Variants in HMCN1 observed in about 807,000 individuals in gnomAD.
HMCN1 encodes the protein hemicentin-1.
HMCN1 carries 321 observed loss-of-function variants against 625.9 expected under a neutral mutation model. The observed-to-expected ratio is 0.51, with a 90% CI of 0.47 to 0.56. HMCN1 has a LOEUF of 0.56. HMCN1 is among the 20% of genes least tolerant of loss of function. The pLI is 0.00. For missense variants in HMCN1, 6,588 were observed against 6,887.3 expected (o/e 0.96, Z 1.54); for synonymous variants, 2,425 against 2,417.6 (o/e 1.00, Z -0.09).
At chr1:186,071,765 C>G (rs79471543) in intron 52 of HMCN1, among the ~76,000 whole-genome samples, 24 of 152,294 alleles carry the variant, frequency 1.6e-4, no homozygotes, top group African/African-American at 5.8e-4. Context: ...AGAATTCCCA[C>G]CATGCTCCGT....
chr1:185,780,332 C>T (rs1034921513), intron 1 of HMCN1, among the ~76,000 whole-genome samples: 2 of 152,142 alleles, frequency 1.3e-5, no homozygotes, highest in African/African-American at 4.8e-5. Context: ...AATTGAATGT[C>T]CTTTATGTCT....
intron 15 of HMCN1, among the ~76,000 whole-genome samples, chr1:185,974,776 A>G (rs554232312): frequency 2.6e-5 from 4 of 152,282 alleles, no homozygotes; most frequent in Admixed American, 2.0e-4. Context: ...GTTTTGTGAT[A>G]CCAGTACATA....
In HMCN1 at chr1:186,081,424, A is replaced by C. The variant is rs1659163782; in HGVS notation, c.8787+30A>C. On this transcript the variant is annotated intron_variant, in intron 56 of 106. Transcript: ENST00000271588. ...AAGTAAAGAAAGATCTAATTTTAAA[A>C]GAGCTATTTGACTTTGCACTTTGTA... 3 of 1,519,904 alleles carry C rather than the reference A, an allele frequency of 2.0e-6. No homozygotes were observed. The Admixed American group carries it at 5.0e-5, about 25-fold the overall frequency. 94.2% of individuals were successfully genotyped at this position (1,519,904 alleles called of 1,614,324 possible).
rs1437833352 is a variant in HMCN1, at chr1:186,190,244, A to C, written c.*366A>C. 1 of 250,548 alleles carries C rather than the reference A, an allele frequency of 4.0e-6. No individual in the cohort carries two copies. The highest frequency in any genetic ancestry group is 7.8e-6 in the Non-Finnish European group (1 of 128,596). 15.5% of individuals were successfully genotyped at this position (250,548 alleles called of 1,614,324 possible). ...GAAAAACAAGAACAACTAATTCAGA[A>C]TCAAATAGAGTTTTTGAGCATTTGA... On this transcript the variant is annotated 3_prime_UTR_variant, in exon 107 of 107. Transcript: ENST00000271588.
intron 57 of HMCN1, among the ~76,000 whole-genome samples, chr1:186,083,497 T>C (rs1659296127): frequency 2.3e-5 from 1 of 43,340 alleles, no homozygotes; most frequent in Non-Finnish European, 3.7e-5. Context: ...TACCACTTTT[T>C]GCTAAAAAAA....
intron 99 of HMCN1, 46 bp from the exon 100 acceptor site, chr1:186,166,762 G>A: frequency 6.2e-7 from 1 of 1,613,780 alleles, no homozygotes; most frequent in East Asian, 2.2e-5. Flanking sequence ...TTCTTGGGCT[G>A]GGTGTTCTTC....
At chr1:186,147,636 CA>C (rs1650402360) in intron 93 of HMCN1, among the ~76,000 whole-genome samples, 1 of 152,106 alleles carries the variant, frequency 6.6e-6, no homozygotes, top group Non-Finnish European at 1.5e-5. Flanking sequence ...TAGACCACCA[CA>C]AGGAAGTGAA....
chr1:185,902,670 T>G (rs1665883265), intron 4 of HMCN1, among the ~76,000 whole-genome samples: 1 of 151,660 alleles, frequency 6.6e-6, no homozygotes, highest in South Asian at 2.1e-4. Flanking sequence ...GTAATATCAA[T>G]AATGCTTACG....
Position 186,148,963 on chromosome 1 carries a change from C to T in HMCN1, c.14609-2237C>T, listed in dbSNP as rs542834047. On this transcript the variant is annotated intron_variant, in intron 93 of 106. Transcript: ENST00000271588. ...TTTTTTTTTTTTTTATTTTCCTGAG[C>T]GTTAGGTCTCAAAAATAGGCTTAAA... 2.0e-5 allele frequency among the ~76,000 whole-genome samples: 3 copies of T among 149,270 alleles called. 1 individual carries two copies. Among genetic ancestry groups the T allele is most frequent in the South Asian group, 4.2e-4 (2 of 4,738 alleles).
chr1:185,840,532 C>T (rs1377850402), intron 1 of HMCN1, among the ~76,000 whole-genome samples: 4 of 152,158 alleles, frequency 2.6e-5, no homozygotes, highest in African/African-American at 7.2e-5. Flanking sequence ...TATCCCAACT[C>T]ATACCCTGGA....
chr1:185,950,949 T>C (rs1485246265), intron 11 of HMCN1, among the ~76,000 whole-genome samples: 29 of 150,540 alleles, frequency 1.9e-4, no homozygotes, highest in African/African-American at 6.1e-4. Flanking sequence ...GGGGGAATTG[T>C]AAGGAGAGTT....
At chr1:185,781,065 G>A (rs1004985074) in intron 1 of HMCN1, among the ~76,000 whole-genome samples, 7 of 152,112 alleles carry the variant, frequency 4.6e-5, no homozygotes, top group African/African-American at 1.7e-4. Context: ...CTTCTTCCTG[G>A]TTTAGTCTTG....
At chr1:185,757,718 C>T (rs560604898) in intron 1 of HMCN1, among the ~76,000 whole-genome samples, 59 of 152,190 alleles carry the variant, frequency 3.9e-4, no homozygotes, top group African/African-American at 1.3e-3. Context: ...ATTTCTAACT[C>T]TTTAAATAGT....
intron 63 of HMCN1, among the ~76,000 whole-genome samples, chr1:186,089,046 A>AT (rs1044518010): frequency 1.3e-5 from 2 of 151,926 alleles, no homozygotes; most frequent in African/African-American, 4.8e-5. Context: ...AGTTATACTT[A>AT]TTTTAAACTG....
intron 4 of HMCN1, among the ~76,000 whole-genome samples, chr1:185,904,017 T>C (rs953998663): frequency 1.3e-5 from 2 of 151,854 alleles, no homozygotes; most frequent in Non-Finnish European, 1.5e-5. Context: ...CACGGGATGA[T>C]GTATATCTTC....
chr1:186,016,059 C>T lies in HMCN1; in HGVS notation c.5011C>T (p.Pro1671Ser), dbSNP rs1654346251. 1 of 1,613,528 alleles carries T rather than the reference C, an allele frequency of 6.2e-7. No homozygotes were observed. Among genetic ancestry groups the T allele is most frequent in the South Asian group, 1.1e-5 (1 of 91,074 alleles). Residue 1671 changes from proline (P) to serine (S), a missense_variant, in exon 32 of 107, where the codon CCC becomes TCC. Pro to Ser is a moderately conservative substitution (Grantham distance 74). Coordinates refer to ENST00000271588, the MANE Select transcript of HMCN1 (RefSeq NM_031935.3). ...GTGCAAAGCTGCTGGAAACCCTTCT[C>T]CCATTCTCACCTGGTTGAAAGATGG... ...LECKAAGNPS[P>S]ILTWLKDGVP...
intron 104 of HMCN1, among the ~76,000 whole-genome samples, chr1:186,181,674 G>T (rs1335545737): frequency 2.6e-5 from 4 of 152,156 alleles, no homozygotes; most frequent in African/African-American, 9.7e-5. Context: ...TGATATCTGT[G>T]TATGGGAAAG....
chr1:185,986,162 T>A (rs575916250), intron 19 of HMCN1, among the ~76,000 whole-genome samples: 1 of 152,334 alleles, frequency 6.6e-6, no homozygotes, highest in East Asian at 1.9e-4. Context: ...GGGGATTTGC[T>A]GGCAATTCTT....
intron 1 of HMCN1, among the ~76,000 whole-genome samples, chr1:185,811,921 A>G (rs915629957): frequency 1.3e-5 from 2 of 152,210 alleles, no homozygotes; most frequent in Non-Finnish European, 2.9e-5. Context: ...GAGGTGAACT[A>G]CTGTCTAGGG....
Sources: gnomAD v4.1 joint callset for allele counts (sites outside exome capture counted in the v4.1 genomes callset) on GRCh38, gnomAD v4.1.1 for gene constraint, MANE v1.5 for transcripts, NCBI Gene and HGNC (gene_info 2026-07-23, HGNC 2026-07-21) for gene names.